Variants in FBXL7 observed in about 807,000 individuals in gnomAD.
FBXL7 encodes the protein F-box/LRR-repeat protein 7.
A neutral mutation model predicts 38.3 loss-of-function variants in FBXL7; 12 were observed. The observed-to-expected ratio is 0.31, with a 90% confidence interval of 0.20 to 0.51. The LOEUF (loss-of-function observed/expected upper bound fraction) is 0.51, where lower values mean the gene tolerates loss of function less well. Ranked by LOEUF, FBXL7 falls within the 20% of genes least tolerant of loss-of-function variation. The pLI, the probability that FBXL7 is intolerant of heterozygous loss-of-function variation, is 0.98. For missense variants in FBXL7, 567 were observed against 676.4 expected (o/e 0.84, Z 1.79); for synonymous variants, 297 against 300.9 (o/e 0.99, Z 0.13).
chr5:15,926,370 A>G (rs1257912192), intron 2 of FBXL7, among the ~76,000 whole-genome samples: 1 of 148,138 alleles, frequency 6.8e-6, no homozygotes, highest in Non-Finnish European at 1.5e-5. Context: ...TATATATTAT[A>G]TAATATCAAT....
Position 15,928,285 on chromosome 5 carries a change from C to A in FBXL7, c.523C>A (p.Arg175Ser), listed in dbSNP as rs1330246214. ...GGACCGCGCCCTCAAGGTGCTGACC[C>A]GCAGACTCTGCCAGGACACCCCCAA... Reference protein sequence around the residue: ...NVDRALKVLTRRLCQDTPNVC... With the variant: ...NVDRALKVLTSRLCQDTPNVC... The change falls in exon 3 of 4, where the codon CGC (arginine) becomes AGC (serine). Residue 175 changes from arginine (R) to serine (S), a missense_variant. Transcript: ENST00000504595. This position sits in a 1 kb window ranked among gnomAD's most constrained non-coding sequence, Gnocchi z 4.0. The A allele has an allele frequency of 8.7e-6, 14 of 1,612,928 alleles. No homozygotes were observed. The highest frequency in any genetic ancestry group is 1.1e-5 in the Non-Finnish European group (13 of 1,179,496).
intron 2 of FBXL7, among the ~76,000 whole-genome samples, chr5:15,901,801 G>A (rs578218429): frequency 2.6e-5 from 4 of 152,300 alleles, no homozygotes; most frequent in South Asian, 2.1e-4. Context: ...CATTCTTGAA[G>A]AGTTTTAATC....
In FBXL7 at chr5:15,902,935, C is replaced by T. The variant is rs538437141; in HGVS notation, c.128-24955C>T. ...TAGGCAGTCAGAGCAGGGCAAGCCCCGTGGGACTGACTAGTGTCCAACCCA... is the reference window on the plus strand; with the variant it reads ...TAGGCAGTCAGAGCAGGGCAAGCCCTGTGGGACTGACTAGTGTCCAACCCA... On this transcript the variant is annotated intron_variant, in intron 2 of 3. Transcript: ENST00000504595. 1.1e-4 allele frequency among the ~76,000 whole-genome samples: 17 copies of T among 152,308 alleles called. 1 individual carries two copies. The highest frequency in any genetic ancestry group is 3.4e-4 in the African/African-American group (14 of 41,570).
intron 2 of FBXL7, among the ~76,000 whole-genome samples, chr5:15,658,840 A>G (rs993456688): frequency 3.3e-5 from 5 of 152,186 alleles, no homozygotes; most frequent in African/African-American, 4.8e-5. Context: ...TTTAACTACC[A>G]GGCCCAGGGC....
intron 1 of FBXL7, among the ~76,000 whole-genome samples, chr5:15,523,528 C>T (rs1170829105): frequency 6.6e-6 from 1 of 151,116 alleles, no homozygotes; most frequent in Non-Finnish European, 1.5e-5. Flanking sequence ...CACTGCGCTC[C>T]AGCCTGGGCA....
chr5:15,571,265 C>T (rs1278270890), intron 1 of FBXL7, among the ~76,000 whole-genome samples: 2 of 152,098 alleles, frequency 1.3e-5, no homozygotes, highest in Non-Finnish European at 2.9e-5. Flanking sequence ...TGCCGCCTCA[C>T]TAGCAGTATA....
At chr5:15,822,843 A>G (rs1268689551) in intron 2 of FBXL7, among the ~76,000 whole-genome samples, 1 of 152,074 alleles carries the variant, frequency 6.6e-6, no homozygotes, top group Non-Finnish European at 1.5e-5. Context: ...TGCATAGTAA[A>G]TCACCTAGAA....
At chr5:15,917,099 A>G (rs1172488844) in intron 2 of FBXL7, among the ~76,000 whole-genome samples, 4 of 152,198 alleles carry the variant, frequency 2.6e-5, no homozygotes, top group Admixed American at 6.5e-5. Flanking sequence ...CAAGCTGCAC[A>G]TAGTAGAGTT....
chr5:15,668,771 A>C (rs973617119), intron 2 of FBXL7, among the ~76,000 whole-genome samples: 2 of 152,212 alleles, frequency 1.3e-5, no homozygotes, highest in Admixed American at 6.5e-5. Flanking sequence ...TGCTAGGTGC[A>C]GCAGAACTCA....
chr5:15,929,045 C>T (rs976661831), intron 3 of FBXL7, among the ~76,000 whole-genome samples: 1 of 152,192 alleles, frequency 6.6e-6, no homozygotes, highest in African/African-American at 2.4e-5. Context: ...AAACTATCCT[C>T]GCGCCCACCT....
chr5:15,932,572 C>T (rs1388812225), intron 3 of FBXL7, among the ~76,000 whole-genome samples: 3 of 152,128 alleles, frequency 2.0e-5, no homozygotes, highest in Admixed American at 1.3e-4. Context: ...GATCTCATCC[C>T]AAAAGACAAT....
chr5:15,527,813 A>G (rs1345936904), intron 1 of FBXL7, among the ~76,000 whole-genome samples: 1 of 152,228 alleles, frequency 6.6e-6, no homozygotes, highest in African/African-American at 2.4e-5. Context: ...AAGAAGGAGT[A>G]TCTTCCATAA....
intron 2 of FBXL7, among the ~76,000 whole-genome samples, chr5:15,733,286 T>A (rs570250006): frequency 6.6e-6 from 1 of 152,096 alleles, no homozygotes; most frequent in African/African-American, 2.4e-5. Flanking sequence ...AGAGACGGGG[T>A]TTCACCACCT....
At chr5:15,576,072 C>CA (rs1738955427) in intron 1 of FBXL7, among the ~76,000 whole-genome samples, 1 of 74,260 alleles carries the variant, frequency 1.3e-5, no homozygotes, top group African/African-American at 5.7e-5. Context: ...GAATCTCATT[C>CA]TTTTTTTTTT....
intron 2 of FBXL7, among the ~76,000 whole-genome samples, chr5:15,764,877 G>T (rs1212366041): frequency 6.6e-6 from 1 of 152,212 alleles, no homozygotes; most frequent in African/African-American, 2.4e-5. Flanking sequence ...TAAAGGGCCA[G>T]ATTGTAAATA....
chr5:15,796,422 C>G (rs1310251546), intron 2 of FBXL7, among the ~76,000 whole-genome samples: 1 of 152,024 alleles, frequency 6.6e-6, no homozygotes, highest in Non-Finnish European at 1.5e-5. Context: ...TGAATAGTTG[C>G]AACAGAGACC....
At chr5:15,509,852 G>A (rs1002268408) in intron 1 of FBXL7, among the ~76,000 whole-genome samples, 4 of 152,308 alleles carry the variant, frequency 2.6e-5, no homozygotes, top group East Asian at 3.9e-4. Context: ...CCTGTGTACC[G>A]CAGAGAATAA....
chr5:15,916,708 A>G (rs1741593851), intron 2 of FBXL7, among the ~76,000 whole-genome samples: 1 of 152,190 alleles, frequency 6.6e-6, no homozygotes, highest in Non-Finnish European at 1.5e-5. Context: ...ATATTCCTTT[A>G]CCAATAAATG....
At chr5:15,774,240 C>G (rs1428781555) in intron 2 of FBXL7, among the ~76,000 whole-genome samples, 2 of 152,026 alleles carry the variant, frequency 1.3e-5, no homozygotes, top group Non-Finnish European at 2.9e-5. Flanking sequence ...CTGACTGACC[C>G]TCTTCCTCCC....
Sources: gnomAD v4.1 joint callset for allele counts (sites outside exome capture counted in the v4.1 genomes callset) on GRCh38, gnomAD v4.1.1 for gene constraint, Gnocchi (gnomAD v3.1) non-coding constraint, MANE v1.5 for transcripts, NCBI Gene and HGNC (gene_info 2026-07-23, HGNC 2026-07-21) for gene names.